Variants in CHEK2 observed in about 807,000 individuals in gnomAD.
CHEK2 encodes serine/threonine-protein kinase Chk2.
CHEK2 carries 71 observed loss-of-function variants against 69.1 expected under a neutral mutation model. The observed-to-expected ratio is 1.03, with a 90% confidence interval of 0.85 to 1.25. The LOEUF (loss-of-function observed/expected upper bound fraction) is 1.25. CHEK2 is among the 50% of genes most tolerant of loss of function. CHEK2 has a pLI of 0.00. For synonymous variants in CHEK2, 189 were observed against 226.9 expected, an observed-to-expected ratio of 0.83 and a Z score of 1.50; for missense variants, 664 against 649.6, an observed-to-expected ratio of 1.02 and a Z score of -0.24.
At position 28,699,949 on chromosome 22, in the gene CHEK2, A is replaced by G; in HGVS notation, c.909-12T>C. 1 of 1,591,794 alleles carries G rather than the reference A, an allele frequency of 6.3e-7. No homozygotes were observed. Among genetic ancestry groups the G allele is most frequent in the Non-Finnish European group, 8.6e-7 (1 of 1,160,150 alleles). ...CTCCCCCTTCCATCCTGAAACACAA[A>G]GGCAAGGCAAGGGGTTCATTCCTGG... On this transcript the variant is annotated splice_polypyrimidine_tract_variant and intron_variant, in intron 8 of 14. Coordinates refer to ENST00000404276, the MANE Select transcript of CHEK2 (RefSeq NM_007194.4).
At chr22:28,699,448 C>G (rs1367664592) in intron 9 of CHEK2, among the ~76,000 whole-genome samples, 1 of 145,564 alleles carries the variant, frequency 6.9e-6, no homozygotes, top group Non-Finnish European at 1.5e-5. Context: ...ACACTGCAAC[C>G]TCCACCTCCC....
At chr22:28,704,317 T>C (rs993649022) in intron 7 of CHEK2, among the ~76,000 whole-genome samples, 7 of 152,048 alleles carry the variant, frequency 4.6e-5, no homozygotes, top group African/African-American at 1.7e-4. Flanking sequence ...CTTTCTTTTT[T>C]TTTTATTTTG....
chr22:28,704,034 C>T (rs564768595), intron 7 of CHEK2, among the ~76,000 whole-genome samples: 1 of 151,900 alleles, frequency 6.6e-6, no homozygotes, highest in East Asian at 1.9e-4. Flanking sequence ...GAACAAGATC[C>T]TACCATTTTT....
At chr22:28,731,596 AAAT>A (rs541345968) in intron 2 of CHEK2, among the ~76,000 whole-genome samples, 17 of 151,406 alleles carry the variant, frequency 1.1e-4, no homozygotes, top group South Asian at 2.1e-4. Context: ...ACTCCGTCTC[AAAT>A]AATAATAATA....
At chr22:28,698,199 T>C (rs972654734) in intron 9 of CHEK2, among the ~76,000 whole-genome samples, 3 of 129,910 alleles carry the variant, frequency 2.3e-5, no homozygotes, top group African/African-American at 8.2e-5. Flanking sequence ...CAGAACAGCC[T>C]GGCCAACATG....
intron 2 of CHEK2, among the ~76,000 whole-genome samples, chr22:28,729,566 G>T (rs188641809): frequency 0.06 from 5,930 of 98,520 alleles, 170 homozygotes; most frequent in Middle Eastern, 0.13. Flanking sequence ...AAAAAAAAAA[G>T]AATTAACCCA....
rs1555924390 is a variant in CHEK2 at position 28,719,405 on chromosome 22, T to G, written c.673A>C (p.Thr225Pro). The change falls in exon 5 of 15, where the codon ACT becomes CCT. Residue 225 changes from threonine to proline, a missense_variant. Thr to Pro is a conservative substitution (Grantham distance 38, BLOSUM62 -1). Transcript: ENST00000404276. ...ALRDEYIMSK[T>P]LGSGACGEVK... ...AAGAAAATAATTTACCTTCCAAGAG[T>G]TTTTGACATGATGTATTCATCTCTT... is the stretch of plus-strand genomic sequence containing the variant. The G allele has an allele frequency of 6.3e-7, 1 of 1,578,128 alleles. No homozygotes were observed. The highest frequency in any genetic ancestry group is 8.6e-7 in the Non-Finnish European group (1 of 1,157,798).
intron 1 of CHEK2, among the ~76,000 whole-genome samples, chr22:28,741,302 G>A (rs1325293532): frequency 2.7e-5 from 4 of 149,718 alleles, no homozygotes; most frequent in South Asian, 2.1e-4. Flanking sequence ...AAGGAGGACT[G>A]ATGCCCTCCT....
At chr22:28,730,052 C>A (rs2054149390) in intron 2 of CHEK2, among the ~76,000 whole-genome samples, 1 of 150,428 alleles carries the variant, frequency 6.6e-6, no homozygotes, top group African/African-American at 2.5e-5. Flanking sequence ...ACCATGTTGG[C>A]CAGGATGGTC....
Position 28,711,994 on chromosome 22 carries a change from A to T in CHEK2, c.707T>A (p.Leu236Gln), listed in dbSNP as rs587782471. 13 of 1,613,944 alleles carry T rather than the reference A, an allele frequency of 8.1e-6. No individual in the cohort carries two copies. In the South Asian group the frequency reaches 1.4e-4, roughly 18 times the overall value. ...LGSGACGEVK[L>Q]AFERKTCKKV... ...CTTACATGTTTTCCTCTCGAAAGCC[A>T]GCTTTACCTCTCCACAGGCACCACT... Residue 236 changes from leucine to glutamine, a missense_variant, in exon 6 of 15, where the codon CTG becomes CAG. Leu to Gln is a moderately radical substitution (Grantham distance 113, BLOSUM62 -2). Transcript: ENST00000404276.
chr22:28,733,735 G>A (rs934327649), intron 2 of CHEK2, among the ~76,000 whole-genome samples: 49 of 151,826 alleles, frequency 3.2e-4, no homozygotes, highest in African/African-American at 9.7e-4. Context: ...CCTGGCCAAC[G>A]TGGTGAAACC....
intron 5 of CHEK2, among the ~76,000 whole-genome samples, chr22:28,715,397 T>TTATTTA (rs5844821): frequency 1.3e-5 from 2 of 148,956 alleles, no homozygotes; most frequent in Non-Finnish European, 3.0e-5. Context: ...TTATTTTTAT[T>TTATTTA]TTTATTTATT....
At position 28,695,763 on chromosome 22, in the gene CHEK2, A is replaced by G. The variant is rs1402419782; in HGVS notation, c.1206T>C (p.Ala402=). ...AGCAGTCCACAGCACGGTTATACCC[A>G]GCAGTCCCAACAGAAACAAGAACTT... ...APEVLVSVGT[A]GYNRAVDCWS... The change falls in exon 11 of 15, where the codon GCT becomes GCC. Residue 402 remains alanine, a synonymous_variant. Transcript: ENST00000404276. 6.2e-7 allele frequency: 1 copy of G among 1,613,854 alleles called. No individual in the cohort carries two copies. Among genetic ancestry groups the G allele is most frequent in the Non-Finnish European group, 8.5e-7 (1 of 1,179,722 alleles).
intron 9 of CHEK2, 158 bp downstream of exon 9, chr22:28,699,680 T>C (rs768757380): frequency 3.0e-5 from 20 of 670,028 alleles, no homozygotes; most frequent in South Asian, 1.3e-4. Flanking sequence ...CTTTTTCATC[T>C]CAGTGAAAGG....
At chr22:28,730,783 G>A (rs977854402) in intron 2 of CHEK2, among the ~76,000 whole-genome samples, 20 of 152,060 alleles carry the variant, frequency 1.3e-4, no homozygotes, top group African/African-American at 4.3e-4. Flanking sequence ...GCTTGAAACC[G>A]GGAGGAGGAG....
intron 2 of CHEK2, among the ~76,000 whole-genome samples, chr22:28,726,643 T>C (rs1174571181): frequency 6.7e-6 from 1 of 148,636 alleles, no homozygotes; most frequent in Admixed American, 6.9e-5. Context: ...TACATATATA[T>C]ATAAAACCGT....
intron 1 of CHEK2, among the ~76,000 whole-genome samples, chr22:28,739,159 A>T (rs1481772794): frequency 6.6e-6 from 1 of 152,044 alleles, no homozygotes; most frequent in Non-Finnish European, 1.5e-5. Context: ...AATCCCAGCT[A>T]CTTGGTAGGC....
chr22:28,709,202 A>G (rs1318904592), intron 7 of CHEK2, among the ~76,000 whole-genome samples: 7 of 152,184 alleles, frequency 4.6e-5, no homozygotes, highest in Non-Finnish European at 8.8e-5. Context: ...CATAGTCATC[A>G]TTGCACAAAA....
Position 28,725,041 on chromosome 22 carries a change from C to T in CHEK2, c.528G>A (p.Gly176=), listed in dbSNP as rs587780889. Residue 176 remains glycine (G), a synonymous_variant, in exon 4 of 15, where the codon GGG becomes GGA. Transcript: ENST00000404276. The stretch of plus-strand genomic sequence containing the variant: ...TATTCAAAGGACGGCGTTTTCCTTT[C>T]CCTACAAGCTCTGTATTTACAAAGG... ...NGTFVNTELV[G]KGKRRPLNNN... 1.2e-6 allele frequency: 2 copies of T among 1,614,110 alleles called. No individual in the cohort carries two copies. Among genetic ancestry groups the T allele is most frequent in the Non-Finnish European group, 1.7e-6 (2 of 1,180,002 alleles).
Sources: allele counts gnomAD v4.1 joint callset (sites outside exome capture counted in the v4.1 genomes callset), GRCh38; gene constraint gnomAD v4.1.1; transcripts MANE v1.5; gene names NCBI Gene and HGNC (gene_info 2026-07-23, HGNC 2026-07-21).